The following KCNT2 variants were observed in gnomAD, a reference collection of about 807,000 sequenced individuals.
The protein encoded by KCNT2 is potassium channel subfamily T member 2.
KCNT2 carries 67 observed loss-of-function variants against 153.8 expected under a neutral mutation model. The ratio of observed to expected loss-of-function variants is 0.44; its 90% CI spans 0.36 to 0.53. The LOEUF (loss-of-function observed/expected upper bound fraction) is 0.53, where lower values mean the gene tolerates loss of function less well. KCNT2 is among the 20% of genes least tolerant of loss of function. The pLI is 0.00. For missense variants in KCNT2, 975 were observed against 1,354.8 expected (o/e 0.72, Z 4.40); for synonymous variants, 500 against 458.8 (o/e 1.09, Z -1.15).
At chr1:196,361,035 C>T (rs1205711862) in intron 14 of KCNT2, among the ~76,000 whole-genome samples, 2 of 151,996 alleles carry the variant, frequency 1.3e-5, no homozygotes, top group East Asian at 1.9e-4. Flanking sequence ...AAGGCCTTTC[C>T]ATGTTTGGAA....
Position 196,443,082 on chromosome 1 carries a change from G to A in KCNT2, c.639-13325C>T, listed in dbSNP as rs978161477. Among the ~76,000 whole-genome samples, 3 of 151,560 alleles carry A rather than the reference G, an allele frequency of 2.0e-5. No individual in the cohort carries two copies. The East Asian group carries it at 5.8e-4, about 30-fold the overall frequency. On this transcript the variant is annotated intron_variant, in intron 8 of 27. Coordinates refer to ENST00000294725, the MANE Select transcript of KCNT2 (RefSeq NM_198503.5). Reference sequence around the variant, plus strand: ...GTAAAATCTATGGGATTTGTTGATTGTGTATTCTGTAACAAAGCAGGAAGT... The same window carrying A: ...GTAAAATCTATGGGATTTGTTGATTATGTATTCTGTAACAAAGCAGGAAGT...
intron 21 of KCNT2, 85 bp downstream of exon 21, chr1:196,315,807 T>C: frequency 8.1e-6 from 10 of 1,232,680 alleles, no homozygotes; most frequent in Non-Finnish European, 1.1e-5. Flanking sequence ...GTGTCTCATG[T>C]TCATTCCTCA....
At chr1:196,600,519 G>A (rs1664604461) in intron 1 of KCNT2, among the ~76,000 whole-genome samples, 1 of 5,264 alleles carries the variant, frequency 1.9e-4, no homozygotes, top group Admixed American at 5.7e-3. Flanking sequence ...GATTGTTTTA[G>A]GCAACAAAAA....
chr1:196,570,067 TAAAAA>T (rs199836975), intron 1 of KCNT2, among the ~76,000 whole-genome samples: 22 of 133,734 alleles, frequency 1.6e-4, no homozygotes, highest in African/African-American at 6.2e-4. Flanking sequence ...TGAGCTAGAG[TAAAAA>T]AAAAAAAAAA....
intron 27 of KCNT2, among the ~76,000 whole-genome samples, chr1:196,232,486 T>C (rs1343778032): frequency 6.6e-6 from 1 of 151,688 alleles, no homozygotes; most frequent in Non-Finnish European, 1.5e-5. Flanking sequence ...TTACATGTCA[T>C]GGTAGGCATC....
At chr1:196,453,470 T>G (rs1216006455) in intron 8 of KCNT2, among the ~76,000 whole-genome samples, 1 of 151,972 alleles carries the variant, frequency 6.6e-6, no homozygotes, top group Non-Finnish European at 1.5e-5. Flanking sequence ...ATATTCTTAT[T>G]TTTGTTCCTT....
intron 11 of KCNT2, among the ~76,000 whole-genome samples, chr1:196,423,550 A>G (rs1673392016): frequency 6.6e-6 from 1 of 151,652 alleles, no homozygotes; most frequent in African/African-American, 2.4e-5. Context: ...CTTCCTGGAG[A>G]TCATTCATCA....
chr1:196,365,290 T>C (rs1274103148), intron 14 of KCNT2, among the ~76,000 whole-genome samples: 1 of 152,130 alleles, frequency 6.6e-6, no homozygotes, highest in Admixed American at 6.6e-5. Context: ...TCTTCAATAA[T>C]TCTTTCTTCA....
At chr1:196,365,386 T>C (rs1667955866) in intron 14 of KCNT2, among the ~76,000 whole-genome samples, 1 of 152,140 alleles carries the variant, frequency 6.6e-6, no homozygotes, top group African/African-American at 2.4e-5. Flanking sequence ...CTGTAACTCA[T>C]GGTGGCTTTC....
At chr1:196,270,272 C>A (rs932045095) in intron 25 of KCNT2, among the ~76,000 whole-genome samples, 11 of 151,732 alleles carry the variant, frequency 7.2e-5, no homozygotes, top group Non-Finnish European at 1.3e-4. Context: ...CAGCCTAGCC[C>A]AAATCAAGAC....
At chr1:196,566,058 AACGATAAATATAT>A (rs1660071168) in intron 1 of KCNT2, among the ~76,000 whole-genome samples, 2 of 152,090 alleles carry the variant, frequency 1.3e-5, no homozygotes, top group African/African-American at 4.8e-5. Flanking sequence ...ACATATTGTA[AACGATAAATATAT>A]ACAATTTTTA....
chr1:196,536,310 T>C (rs1572753503), intron 1 of KCNT2, among the ~76,000 whole-genome samples: 1 of 152,354 alleles, frequency 6.6e-6, no homozygotes, highest in East Asian at 1.9e-4. Context: ...TTGTAACTTA[T>C]AGGCAGTTAA....
chr1:196,389,006 GT>G (rs1670243340), intron 13 of KCNT2, among the ~76,000 whole-genome samples: 1 of 151,680 alleles, frequency 6.6e-6, no homozygotes, highest in Non-Finnish European at 1.5e-5. Flanking sequence ...AAAATATGAT[GT>G]TGCTTTTCTT....
chr1:196,233,759 A>G (rs1291079998), intron 27 of KCNT2, among the ~76,000 whole-genome samples: 2 of 151,460 alleles, frequency 1.3e-5, no homozygotes, highest in African/African-American at 4.8e-5. Flanking sequence ...GTTAAATGAA[A>G]TAAGCCACAG....
chr1:196,388,333 G>A (rs910020044), intron 13 of KCNT2, among the ~76,000 whole-genome samples: 1 of 151,526 alleles, frequency 6.6e-6, no homozygotes, highest in Non-Finnish European at 1.5e-5. Flanking sequence ...CACAACAGAG[G>A]TACTACGGAT....
intron 13 of KCNT2, among the ~76,000 whole-genome samples, chr1:196,396,877 C>T (rs527895634): frequency 1.7e-4 from 26 of 150,320 alleles, no homozygotes; most frequent in Non-Finnish European, 3.0e-4. Context: ...TTTGATCTCT[C>T]GATGGAAGCA....
chr1:196,326,648 A>T, intron 19 of KCNT2, 69 bp downstream of exon 19: 1 of 849,714 alleles, frequency 1.2e-6, no homozygotes, highest in Non-Finnish European at 1.7e-6. Context: ...ACAGGCAATT[A>T]TTTTTGATAT....
intron 1 of KCNT2, among the ~76,000 whole-genome samples, chr1:196,545,007 G>C (rs1040720136): frequency 6.6e-6 from 1 of 151,890 alleles, no homozygotes; most frequent in Non-Finnish European, 1.5e-5. Flanking sequence ...AAAAAAGGGG[G>C]AAAAAACATT....
chr1:196,234,340 C>T lies in KCNT2; in HGVS notation c.3296+1646G>A, dbSNP rs1654224943. On this transcript the variant is annotated intron_variant, in intron 27 of 27. Coordinates refer to ENST00000294725, the MANE Select transcript of KCNT2 (RefSeq NM_198503.5). ...CCCATTCTGACTTGTTTTGATGAAA[C>T]AACATTTTTTTTTTATTTTTGTAAT... Among the ~76,000 whole-genome samples, 4 of 150,820 alleles carry T rather than the reference C, an allele frequency of 2.7e-5. No individual in the cohort carries two copies. The South Asian group carries it at 8.3e-4, about 31-fold the overall frequency.
Sources: gnomAD v4.1 joint callset for allele counts (sites outside exome capture counted in the v4.1 genomes callset) on GRCh38, gnomAD v4.1.1 for gene constraint, MANE v1.5 for transcripts, NCBI Gene and HGNC (gene_info 2026-07-23, HGNC 2026-07-21) for gene names.